The following CSMD1 variants were observed in gnomAD, a reference collection of about 807,000 sequenced individuals.
CSMD1 encodes the protein CUB and Sushi multiple domains 1.
CSMD1 carries 213 observed loss-of-function variants against 417.5 expected under a neutral mutation model. The ratio of observed to expected loss-of-function variants is 0.51; its 90% CI spans 0.46 to 0.57. CSMD1 has a LOEUF of 0.57. Ranked by LOEUF, CSMD1 falls within the 20% of genes least tolerant of loss-of-function variation. The probability of loss-of-function intolerance (pLI) is 0.00; values close to 1 mark genes in which losing one functional copy is unlikely to be tolerated. For synonymous variants in CSMD1, 2,862 were observed against 1,736.8 expected (o/e 1.65, Z -16.11); for missense variants, 6,923 against 4,529.7 (o/e 1.53, Z -15.17).
At chr8:3,520,404 C>A (rs577066245) in intron 10 of CSMD1, among the ~76,000 whole-genome samples, 6 of 152,148 alleles carry the variant, frequency 3.9e-5, no homozygotes, top group African/African-American at 1.2e-4. Flanking sequence ...AAAAGTATAT[C>A]ATCACATACA....
chr8:4,934,186 C>T (rs190297889), intron 1 of CSMD1, among the ~76,000 whole-genome samples: 1 of 152,218 alleles, frequency 6.6e-6, no homozygotes, highest in South Asian at 2.1e-4. Flanking sequence ...ACAGAAGAGG[C>T]TGCCTGAGCT....
chr8:4,854,858 G>C (rs1402368488), intron 1 of CSMD1, among the ~76,000 whole-genome samples: 2 of 152,214 alleles, frequency 1.3e-5, no homozygotes, highest in African/African-American at 2.4e-5. Flanking sequence ...CCATTGCCCA[G>C]GCTTGCTTAG....
At chr8:3,538,534 G>C (rs113500366) in intron 10 of CSMD1, among the ~76,000 whole-genome samples, 1 of 152,048 alleles carries the variant, frequency 6.6e-6, no homozygotes, top group African/African-American at 2.4e-5. Context: ...GCGATGCCTC[G>C]CCTGCGATGC....
chr8:3,796,708 G>A (rs1585014010), intron 5 of CSMD1, among the ~76,000 whole-genome samples: 3 of 150,656 alleles, frequency 2.0e-5, no homozygotes, highest in Admixed American at 1.3e-4. Context: ...ATGAGAATGG[G>A]TAGGAAACAA....
rs1814034915 is a variant in CSMD1 at position 3,429,007 on chromosome 8, G to T, written c.1562-19402C>A. On this transcript the variant is annotated intron_variant, in intron 12 of 69. Coordinates refer to ENST00000635120, the MANE Select transcript of CSMD1 (RefSeq NM_033225.6). ...GAAAACTGATCTCATTGGAGCAGAG[G>T]ATGGAATGGTGGTTACCAGAGACTG... 1.3e-5 allele frequency among the ~76,000 whole-genome samples: 2 copies of T among 152,286 alleles called. 1 individual carries two copies. Among genetic ancestry groups the T allele is most frequent in the South Asian group, 4.1e-4 (2 of 4,832 alleles).
chr8:4,971,803 A>C (rs1301691029), intron 1 of CSMD1, among the ~76,000 whole-genome samples: 1 of 152,002 alleles, frequency 6.6e-6, no homozygotes, highest in African/African-American at 2.4e-5. Context: ...TATAAGTAGA[A>C]ATATAGAATT....
At chr8:4,459,613 G>A (rs1207705994) in intron 2 of CSMD1, among the ~76,000 whole-genome samples, 1 of 152,180 alleles carries the variant, frequency 6.6e-6, no homozygotes, top group Admixed American at 6.5e-5. Context: ...CAGAGAAGAA[G>A]ATCGCATTGT....
intron 3 of CSMD1, among the ~76,000 whole-genome samples, chr8:4,139,643 C>G (rs1803660672): frequency 6.6e-6 from 1 of 151,076 alleles, no homozygotes; most frequent in South Asian, 2.1e-4. Context: ...GTGGGACCAG[C>G]AGATGCAAGG....
intron 26 of CSMD1, among the ~76,000 whole-genome samples, chr8:3,267,900 G>A (rs924747426): frequency 6.6e-6 from 1 of 152,110 alleles, no homozygotes; most frequent in African/African-American, 2.4e-5. Flanking sequence ...ACTCACTGGG[G>A]TGGGAGATCA....
At chr8:3,097,172 C>G in intron 46 of CSMD1, 135 bp from the exon 47 acceptor site, 1 of 604,094 alleles carries the variant, frequency 1.7e-6, no homozygotes, top group East Asian at 2.9e-5. Context: ...AATTTAATAC[C>G]GAATGCAAAC....
intron 5 of CSMD1, among the ~76,000 whole-genome samples, chr8:3,765,169 C>G (rs377021426): frequency 7.2e-5 from 11 of 152,280 alleles, no homozygotes; most frequent in African/African-American, 2.4e-4. Context: ...CATTTCTTAT[C>G]ACGCCCTTTC....
intron 8 of CSMD1, among the ~76,000 whole-genome samples, chr8:3,613,107 A>C (rs987979362): frequency 2.0e-5 from 3 of 152,062 alleles, no homozygotes; most frequent in African/African-American, 7.2e-5. Flanking sequence ...CTACTCATTT[A>C]AAGGATAATA....
intron 3 of CSMD1, among the ~76,000 whole-genome samples, chr8:4,179,079 T>C (rs1714691): frequency 0.92 from 139,507 of 152,130 alleles, 64,006 homozygotes; most frequent in South Asian, 0.96. Context: ...AAAAACTACT[T>C]TAAAGTTCAT....
chr8:3,359,058 C>A, intron 21 of CSMD1, 94 bp downstream of exon 21: 2 of 1,227,038 alleles, frequency 1.6e-6, no homozygotes, highest in Non-Finnish European at 2.3e-6. Context: ...TCCTTGTCAA[C>A]AAACCCCCAC....
chr8:3,287,039 T>C (rs1217810257), intron 25 of CSMD1, among the ~76,000 whole-genome samples: 3 of 152,150 alleles, frequency 2.0e-5, no homozygotes, highest in Admixed American at 2.0e-4. Flanking sequence ...GCTTTCTACA[T>C]ATGGCTAGCC....
intron 2 of CSMD1, among the ~76,000 whole-genome samples, chr8:4,423,851 G>A (rs894594142): frequency 5.3e-5 from 8 of 151,964 alleles, no homozygotes; most frequent in African/African-American, 1.9e-4. Context: ...TTTGGTATCG[G>A]CAGATTGGCA....
At chr8:3,258,576 A>G (rs559681108) in intron 26 of CSMD1, among the ~76,000 whole-genome samples, 1 of 152,334 alleles carries the variant, frequency 6.6e-6, no homozygotes, top group East Asian at 1.9e-4. Context: ...CATTGGACCT[A>G]GCAATCCATT....
chr8:3,419,391 T>A (rs1032508173), intron 12 of CSMD1, among the ~76,000 whole-genome samples: 1 of 152,208 alleles, frequency 6.6e-6, no homozygotes, highest in East Asian at 1.9e-4. Context: ...TGAAGCCAGA[T>A]GAACAAAATA....
At chr8:3,822,360 G>A (rs7006516) in intron 5 of CSMD1, among the ~76,000 whole-genome samples, 119,837 of 152,080 alleles carry the variant, frequency 0.79, 47,520 homozygotes, top group African/African-American at 0.88. Context: ...AAAAGTCGTT[G>A]AACTGTATCT....
Sources: gnomAD v4.1 joint callset for allele counts (sites outside exome capture counted in the v4.1 genomes callset) on GRCh38, gnomAD v4.1.1 for gene constraint, MANE v1.5 for transcripts, NCBI Gene and HGNC (gene_info 2026-07-23, HGNC 2026-07-21) for gene names.